ADAM23: variants seen among roughly 807,000 people sequenced by gnomAD.
The protein encoded by ADAM23 is disintegrin and metalloproteinase domain-containing protein 23.
A neutral mutation model predicts 120.1 loss-of-function variants in ADAM23; 33 were observed. That is an observed-to-expected ratio of 0.27 (90% CI 0.21 to 0.37). The LOEUF (loss-of-function observed/expected upper bound fraction) is 0.37. ADAM23 is among the 10% of genes least tolerant of loss of function. The probability of loss-of-function intolerance (pLI) is 1.00; values close to 1 mark genes in which losing one functional copy is unlikely to be tolerated. For missense variants in ADAM23, 862 were observed against 1,058.2 expected, an observed-to-expected ratio of 0.81 and a Z score of 2.57; for synonymous variants, 367 against 375.2, an observed-to-expected ratio of 0.98 and a Z score of 0.25.
chr2:206,511,409 A>G (rs891846603), intron 3 of ADAM23, among the ~76,000 whole-genome samples: 21 of 151,920 alleles, frequency 1.4e-4, no homozygotes, highest in African/African-American at 4.8e-4. Context: ...ATGCATGGGG[A>G]CAGCTATTTG....
chr2:206,599,943 T>C (rs1698604870), intron 24 of ADAM23, among the ~76,000 whole-genome samples: 1 of 152,238 alleles, frequency 6.6e-6, no homozygotes, highest in Non-Finnish European at 1.5e-5. Context: ...GGCTCACGCC[T>C]GTAATCCCAG....
Position 206,444,099 on chromosome 2 carries a change from C to T in ADAM23, c.214+19C>T. On this transcript the variant is annotated intron_variant, in intron 1 of 25. Transcript: ENST00000264377. ...CCCAGCGGTGGGTATGGCCCCGTGCCCTTTGCGTTGGCTTTCCCGCGGGGC... is the reference window on the plus strand; with the variant it reads ...CCCAGCGGTGGGTATGGCCCCGTGCTCTTTGCGTTGGCTTTCCCGCGGGGC... 1 of 1,291,108 alleles carries T rather than the reference C, an allele frequency of 7.7e-7. No individual in the cohort carries two copies. The highest frequency in any genetic ancestry group is 9.8e-7 in the Non-Finnish European group (1 of 1,018,200). 80.0% of individuals were successfully genotyped at this position (1,291,108 alleles called of 1,614,324 possible).
intron 9 of ADAM23, 49 bp downstream of exon 9, chr2:206,550,209 AAG>A (rs1426544666): frequency 1.7e-6 from 2 of 1,170,096 alleles, no homozygotes; most frequent in African/African-American, 3.2e-5. Context: ...TTACTTAAGA[AAG>A]AATACATTTT....
intron 3 of ADAM23, among the ~76,000 whole-genome samples, chr2:206,499,555 G>A (rs1318358292): frequency 1.3e-5 from 2 of 151,076 alleles, no homozygotes; most frequent in South Asian, 2.1e-4. Context: ...CGAGTTAATG[G>A]GTGCAGCAAA....
chr2:206,479,905 T>C (rs1574489065), intron 2 of ADAM23, among the ~76,000 whole-genome samples: 1 of 152,344 alleles, frequency 6.6e-6, no homozygotes, highest in East Asian at 1.9e-4. Context: ...GATTTGGCAG[T>C]GTGCTTGACT....
intron 3 of ADAM23, among the ~76,000 whole-genome samples, chr2:206,517,500 A>G (rs1356891286): frequency 6.6e-6 from 1 of 152,144 alleles, no homozygotes; most frequent in Non-Finnish European, 1.5e-5. Context: ...CAGCTATACC[A>G]AGAACTGTGG....
intron 3 of ADAM23, among the ~76,000 whole-genome samples, chr2:206,523,597 G>A (rs1380330848): frequency 6.6e-6 from 1 of 151,766 alleles, no homozygotes; most frequent in Non-Finnish European, 1.5e-5. Flanking sequence ...ACAACTTTTG[G>A]TATGAAAACT....
At chr2:206,512,770 A>G (rs1202278551) in intron 3 of ADAM23, among the ~76,000 whole-genome samples, 1 of 152,184 alleles carries the variant, frequency 6.6e-6, no homozygotes, top group African/African-American at 2.4e-5. Context: ...TTGTGCTTCT[A>G]ACAAGTTGAA....
intron 3 of ADAM23, among the ~76,000 whole-genome samples, chr2:206,498,914 A>G (rs1696319070): frequency 6.6e-6 from 1 of 152,240 alleles, no homozygotes; most frequent in Non-Finnish European, 1.5e-5. Context: ...ATCACTGGCC[A>G]TCAGAGAAAT....
intron 10 of ADAM23, among the ~76,000 whole-genome samples, chr2:206,558,590 T>C (rs1440875797): frequency 1.3e-5 from 2 of 152,252 alleles, no homozygotes; most frequent in Non-Finnish European, 2.9e-5. Flanking sequence ...TTATTAATTT[T>C]CTTTAATTTC....
At chr2:206,520,340 A>G (rs938883677) in intron 3 of ADAM23, among the ~76,000 whole-genome samples, 2 of 152,210 alleles carry the variant, frequency 1.3e-5, no homozygotes, top group Non-Finnish European at 2.9e-5. Flanking sequence ...ACAAAAGACA[A>G]TAGTAGTAGT....
At chr2:206,482,638 A>G (rs1490468706) in intron 3 of ADAM23, among the ~76,000 whole-genome samples, 2 of 152,206 alleles carry the variant, frequency 1.3e-5, no homozygotes, top group African/African-American at 4.8e-5. Flanking sequence ...AACATTTAGC[A>G]TGCAAAGGAA....
intron 3 of ADAM23, among the ~76,000 whole-genome samples, chr2:206,503,282 C>T (rs1445365649): frequency 1.3e-5 from 2 of 151,982 alleles, no homozygotes; most frequent in South Asian, 2.1e-4. Flanking sequence ...GGCATAGTTA[C>T]TCTCTGTATG....
intron 24 of ADAM23, among the ~76,000 whole-genome samples, chr2:206,603,383 G>C (rs1307143420): frequency 6.6e-6 from 1 of 152,142 alleles, no homozygotes; most frequent in Non-Finnish European, 1.5e-5. Context: ...AAGCAAAGCA[G>C]AATCGACAAA....
chr2:206,483,618 G>A (rs1275327432), intron 3 of ADAM23, among the ~76,000 whole-genome samples: 1 of 152,132 alleles, frequency 6.6e-6, no homozygotes, highest in African/African-American at 2.4e-5. Flanking sequence ...GGACAATCAG[G>A]AGAATGATTA....
chr2:206,546,765 A>G (rs960366575), intron 6 of ADAM23, among the ~76,000 whole-genome samples: 12 of 152,162 alleles, frequency 7.9e-5, no homozygotes, highest in Non-Finnish European at 7.4e-5. Flanking sequence ...ACCATGCACT[A>G]TATGGCGTCT....
chr2:206,536,986 A>G (rs1413839805), intron 4 of ADAM23, among the ~76,000 whole-genome samples: 1 of 152,102 alleles, frequency 6.6e-6, no homozygotes, highest in South Asian at 2.1e-4. Flanking sequence ...GATTACAGGC[A>G]TGAGCCACTG....
intron 3 of ADAM23, among the ~76,000 whole-genome samples, chr2:206,491,662 G>C (rs1378521813): frequency 6.6e-6 from 1 of 152,186 alleles, no homozygotes; most frequent in Admixed American, 6.5e-5. Flanking sequence ...AATTAGATGT[G>C]ACCAAGCATC....
chr2:206,597,742 G>A (rs530075281), intron 24 of ADAM23, among the ~76,000 whole-genome samples: 18 of 152,204 alleles, frequency 1.2e-4, no homozygotes, highest in African/African-American at 3.9e-4. Context: ...CTGACAGGTA[G>A]GAAAATGCAT....
Sources: allele counts gnomAD v4.1 joint callset (sites outside exome capture counted in the v4.1 genomes callset), GRCh38; gene constraint gnomAD v4.1.1; transcripts MANE v1.5; gene names NCBI Gene and HGNC (gene_info 2026-07-23, HGNC 2026-07-21).